The following CDKAL1 variants were observed in gnomAD, a reference collection of about 807,000 sequenced individuals.
The protein encoded by CDKAL1 is threonylcarbamoyladenosine tRNA methylthiotransferase.
In CDKAL1, 32 loss-of-function variants were observed where a neutral mutation model predicts 68.2. The ratio of observed to expected loss-of-function variants is 0.47; its 90% CI spans 0.35 to 0.63. The LOEUF is 0.63. Ranked by LOEUF, CDKAL1 falls within the 30% of genes least tolerant of loss-of-function variation. CDKAL1 has a pLI of 0.00. For missense variants in CDKAL1, 606 were observed against 696.7 expected, an observed-to-expected ratio of 0.87 and a Z score of 1.47; for synonymous variants, 234 against 244.3, an observed-to-expected ratio of 0.96 and a Z score of 0.39.
intron 7 of CDKAL1, among the ~76,000 whole-genome samples, chr6:20,777,771 T>A (rs1444187106): frequency 6.6e-6 from 1 of 152,194 alleles, no homozygotes; most frequent in Non-Finnish European, 1.5e-5. Flanking sequence ...AAACCCTGTA[T>A]GTACCATGTT....
intron 13 of CDKAL1, among the ~76,000 whole-genome samples, chr6:21,124,980 ACT>A (rs1319595846): frequency 1.4e-5 from 2 of 146,120 alleles, no homozygotes; most frequent in Non-Finnish European, 3.1e-5. Flanking sequence ...AGTATGCTAC[ACT>A]CTCTGTGGTC....
At chr6:20,610,601 A>G (rs773012111) in intron 4 of CDKAL1, among the ~76,000 whole-genome samples, 2 of 152,066 alleles carry the variant, frequency 1.3e-5, no homozygotes, top group South Asian at 2.1e-4. Flanking sequence ...CATAGGACCA[A>G]TAACCCATAT....
chr6:20,557,251 C>T (rs1357610884), intron 4 of CDKAL1, among the ~76,000 whole-genome samples: 1 of 151,856 alleles, frequency 6.6e-6, no homozygotes, highest in Non-Finnish European at 1.5e-5. Flanking sequence ...ATTCTTTATT[C>T]TGTAGCCAAA....
chr6:20,774,582 T>A (rs186683586), intron 7 of CDKAL1, among the ~76,000 whole-genome samples: 184 of 152,312 alleles, frequency 1.2e-3, no homozygotes, highest in African/African-American at 4.2e-3. Context: ...AACATTTTTG[T>A]TCCTGAAGAT....
rs115641017 is a variant in CDKAL1 at position 21,060,263 on chromosome 6, G to C, written c.1056-4785G>C. Among the ~76,000 whole-genome samples, 684 of 152,138 alleles carry C rather than the reference G, an allele frequency of 4.5e-3. 5 individuals carry two copies. The highest frequency in any genetic ancestry group is 0.015 in the African/African-American group (622 of 41,508). ...ATATTCAGGTTTTTGGTTTCTTCTT[G>C]AGTCCATTTTCATAATTTATATCTT... On this transcript the variant is annotated intron_variant, in intron 11 of 15. Transcript: ENST00000274695.
chr6:20,639,718 T>G (rs937290744), intron 4 of CDKAL1, among the ~76,000 whole-genome samples: 13 of 152,394 alleles, frequency 8.5e-5, no homozygotes, highest in South Asian at 2.1e-4. Flanking sequence ...CTGCTCAGGC[T>G]GGAGTGCCGT....
At chr6:20,872,802 G>A (rs1760293841) in intron 9 of CDKAL1, among the ~76,000 whole-genome samples, 1 of 152,156 alleles carries the variant, frequency 6.6e-6, no homozygotes, top group African/African-American at 2.4e-5. Context: ...CCAGGTGGGA[G>A]TCTTAAACTT....
At chr6:20,685,795 C>T (rs914241236) in intron 5 of CDKAL1, among the ~76,000 whole-genome samples, 1 of 152,282 alleles carries the variant, frequency 6.6e-6, no homozygotes, top group African/African-American at 2.4e-5. Context: ...CCCTTTGTTG[C>T]TCAGTCTGCT....
chr6:21,095,955 A>G (rs1470288895), intron 12 of CDKAL1, among the ~76,000 whole-genome samples: 1 of 152,190 alleles, frequency 6.6e-6, no homozygotes, highest in Non-Finnish European at 1.5e-5. Context: ...GACTCTTATT[A>G]TTGGTATGAT....
At chr6:21,069,773 TC>T (rs144615528) in intron 12 of CDKAL1, among the ~76,000 whole-genome samples, 1,724 of 71,706 alleles carry the variant, frequency 0.024, 126 homozygotes, top group East Asian at 0.072. Flanking sequence ...AGATTTTCTT[TC>T]TTTTTTTTTT....
chr6:20,951,480 G>A (rs532592790), intron 9 of CDKAL1, among the ~76,000 whole-genome samples: 174 of 152,274 alleles, frequency 1.1e-3, no homozygotes, highest in African/African-American at 3.8e-3. Flanking sequence ...TTGCTATGGC[G>A]CAGAGATGGG....
In CDKAL1 at chr6:21,153,235, CTTTTTTTTTT is replaced by C. The variant is rs1162272560; in HGVS notation, c.1300-44772_1300-44763del. ...TTGGCAGGGTAGAGGTATGTGATTT[CTTTTTTTTTT>C]TTTTTTTTTTTTTAATCGTTAAGCG... On this transcript the variant is annotated intron_variant, in intron 13 of 15. Transcript: ENST00000274695. Among the ~76,000 whole-genome samples the C allele has an allele frequency of 1.2e-3, 116 of 96,230 alleles. 1 individual carries two copies. The highest frequency in any genetic ancestry group is 4.1e-3 in the African/African-American group (113 of 27,232). The allele number at this position is 96,230 out of a possible 152,430, so 63.1% of individuals were successfully genotyped here.
At chr6:20,623,496 G>A (rs1185388725) in intron 4 of CDKAL1, among the ~76,000 whole-genome samples, 1 of 152,068 alleles carries the variant, frequency 6.6e-6, no homozygotes, top group Admixed American at 6.6e-5. Flanking sequence ...CCCAAAATCA[G>A]TGAGGAAAGG....
intron 15 of CDKAL1, among the ~76,000 whole-genome samples, chr6:21,208,092 A>G (rs1156679383): frequency 6.6e-6 from 1 of 152,038 alleles, no homozygotes; most frequent in Non-Finnish European, 1.5e-5. Flanking sequence ...AGTTAAGAGA[A>G]GGCTGCCCCA....
At chr6:20,549,217 T>C (rs924209504) in intron 4 of CDKAL1, among the ~76,000 whole-genome samples, 4 of 152,222 alleles carry the variant, frequency 2.6e-5, no homozygotes, top group Non-Finnish European at 5.9e-5. Context: ...ATTTCCTTGA[T>C]ATTTCTGATG....
At chr6:20,605,495 CT>C (rs1766294494) in intron 4 of CDKAL1, among the ~76,000 whole-genome samples, 1 of 152,052 alleles carries the variant, frequency 6.6e-6, no homozygotes, top group Non-Finnish European at 1.5e-5. Flanking sequence ...TATGGGATTC[CT>C]TTTTCTTATT....
chr6:20,675,197 A>G (rs998066053), intron 5 of CDKAL1, among the ~76,000 whole-genome samples: 4 of 152,096 alleles, frequency 2.6e-5, no homozygotes, highest in African/African-American at 7.2e-5. Flanking sequence ...CATCAGTGTT[A>G]TACTTGCTTC....
chr6:20,679,254 A>G (rs1163912913), intron 5 of CDKAL1, among the ~76,000 whole-genome samples: 1 of 152,214 alleles, frequency 6.6e-6, no homozygotes, highest in East Asian at 1.9e-4. Context: ...CTACTTTGTC[A>G]GTGTTCAATA....
intron 11 of CDKAL1, among the ~76,000 whole-genome samples, chr6:21,032,896 C>G (rs1769374663): frequency 6.6e-6 from 1 of 152,182 alleles, no homozygotes; most frequent in East Asian, 1.9e-4. Flanking sequence ...TAAATAATTC[C>G]TGGCCCATAG....
Sources: allele counts gnomAD v4.1 joint callset (sites outside exome capture counted in the v4.1 genomes callset), GRCh38; gene constraint gnomAD v4.1.1; transcripts MANE v1.5; gene names NCBI Gene and HGNC (gene_info 2026-07-23, HGNC 2026-07-21).